The following ABCA1 variants were observed in gnomAD, a reference collection of about 807,000 sequenced individuals.
ABCA1 encodes the protein ATP binding cassette subfamily A member 1.
In ABCA1, 133 loss-of-function variants were observed where a neutral mutation model predicts 262.5. That is an observed-to-expected ratio of 0.51 (90% CI 0.44 to 0.59). ABCA1 has a LOEUF of 0.59. ABCA1 is among the 20% of genes least tolerant of loss of function. ABCA1 has a pLI of 0.00. For missense variants in ABCA1, 2,452 were observed against 2,777.5 expected (o/e 0.88, Z 2.63); for synonymous variants, 1,022 against 1,043.5 (o/e 0.98, Z 0.40).
At chr9:104,812,830 A>C in intron 27 of ABCA1, 108 bp from the exon 28 acceptor site, 1 of 1,433,008 alleles carries the variant, frequency 7.0e-7, no homozygotes, top group Non-Finnish European at 9.8e-7. Context: ...ATGTGTCTGA[A>C]GCTAGAAGTT....
At position 104,898,549 on chromosome 9, in the gene ABCA1, AAAATAAATAAATAAATAAAT is replaced by A. The variant is rs60925856; in HGVS notation, c.66+5045_66+5064del. Among the ~76,000 whole-genome samples the A allele has an allele frequency of 5.4e-3, 770 of 143,154 alleles. 8 individuals are homozygous for A. The highest frequency in any genetic ancestry group is 0.015 in the African/African-American group (556 of 38,128). 93.9% of individuals were successfully genotyped at this position (143,154 alleles called of 152,430 possible). On this transcript the variant is annotated intron_variant, in intron 2 of 49. Coordinates refer to ENST00000374736, the MANE Select transcript of ABCA1 (RefSeq NM_005502.4). ...GCGACAGAACTAGACTCCGTCTTGA[AAAATAAATAAATAAATAAAT>A]AAATAAATAAATAAATAAATAAATA...
At chr9:104,814,601 T>A in intron 25 of ABCA1, 126 bp from the exon 26 acceptor site, 1 of 976,740 alleles carries the variant, frequency 1.0e-6, no homozygotes, top group East Asian at 2.6e-5. Context: ...GAAGCCACAT[T>A]TCTTAATAAC....
At chr9:104,837,877 A>T (rs1049433908) in intron 9 of ABCA1, among the ~76,000 whole-genome samples, 1 of 152,214 alleles carries the variant, frequency 6.6e-6, no homozygotes, top group South Asian at 2.1e-4. Flanking sequence ...TGATCTGGAA[A>T]AATGTTTTCA....
intron 5 of ABCA1, among the ~76,000 whole-genome samples, chr9:104,874,582 AAAAC>A (rs371661222): frequency 3.0e-4 from 46 of 152,118 alleles, no homozygotes; most frequent in East Asian, 1.4e-3. Flanking sequence ...AACAAAAACA[AAAAC>A]AAACAAACAA....
intron 1 of ABCA1, among the ~76,000 whole-genome samples, chr9:104,913,872 T>C (rs1484756310): frequency 6.6e-6 from 1 of 152,158 alleles, no homozygotes; most frequent in Non-Finnish European, 1.5e-5. Context: ...CTCGGCTCAC[T>C]GCAAGCTCCG....
At chr9:104,863,777 A>T (rs1836834675) in intron 5 of ABCA1, among the ~76,000 whole-genome samples, 1 of 152,230 alleles carries the variant, frequency 6.6e-6, no homozygotes, top group African/African-American at 2.4e-5. Flanking sequence ...AGTGTCCCTC[A>T]GAATCAGTGC....
chr9:104,848,920 C>A (rs1173857454), intron 7 of ABCA1, among the ~76,000 whole-genome samples: 1 of 152,094 alleles, frequency 6.6e-6, no homozygotes, highest in East Asian at 1.9e-4. Context: ...GTTTGTCACA[C>A]CAATTAGATA....
rs1830755283 is a variant in ABCA1 at position 104,806,273 on chromosome 9, G to T, written c.4432C>A (p.Pro1478Thr). The T allele has an allele frequency of 1.2e-6, 2 of 1,613,574 alleles. No homozygotes were observed. The highest frequency in any genetic ancestry group is 1.3e-5 in the African/African-American group (1 of 74,894). ...GGAGGCAGCCCCCCTGCCCCTGGGG[G>T]ACACACAGGCAGCATCTTCTTGATT... ...DKIKKMLPVC[P>T]PGAGGLPPPQ... The change falls in exon 31 of 50, where the codon CCC (proline) becomes ACC (threonine). Residue 1478 changes from proline to threonine, a missense_variant. Around this residue, in one of 4 missense-constraint regions of ABCA1, gnomAD observed 665 missense variants for 727.3 expected, o/e 0.91. Transcript: ENST00000374736.
At chr9:104,808,854 A>C (rs1444218810) in intron 30 of ABCA1, among the ~76,000 whole-genome samples, 1 of 152,206 alleles carries the variant, frequency 6.6e-6, no homozygotes, top group African/African-American at 2.4e-5. Flanking sequence ...GCACGGCCTC[A>C]TAAGATCCTC....
Position 104,820,778 on chromosome 9 carries a change from G to GC in ABCA1, c.2960+596dup, listed in dbSNP as rs1329428694. 1.2e-4 allele frequency among the ~76,000 whole-genome samples: 18 copies of GC among 152,236 alleles called. No homozygotes were observed. The East Asian group carries it at 3.5e-3, about 29-fold the overall frequency. On this transcript the variant is annotated intron_variant, in intron 20 of 49. Transcript: ENST00000374736. ...AGGAGGGTGGCGGGGGAGAGGATGG[G>GC]CTAAAGGGCCCTCCAGCATGACAAT...
chr9:104,872,983 C>A (rs1837762322), intron 5 of ABCA1, among the ~76,000 whole-genome samples: 2 of 152,228 alleles, frequency 1.3e-5, no homozygotes, highest in South Asian at 4.1e-4. Context: ...CATTGCAGTG[C>A]AGCGTTGCTC....
At chr9:104,827,680 G>T (rs887602745) in intron 15 of ABCA1, among the ~76,000 whole-genome samples, 7 of 152,148 alleles carry the variant, frequency 4.6e-5, no homozygotes, top group Admixed American at 2.0e-4. Flanking sequence ...ATGTCTGCAG[G>T]ACCCACCAGC....
chr9:104,840,834 T>G (rs1834301438), intron 8 of ABCA1, among the ~76,000 whole-genome samples: 1 of 152,190 alleles, frequency 6.6e-6, no homozygotes, highest in Non-Finnish European at 1.5e-5. Context: ...GTGATTCCTA[T>G]GCTCACTAAA....
In ABCA1 at chr9:104,845,502, T is replaced by C. The variant is rs763689519; in HGVS notation, c.788A>G (p.His263Arg). ...CTCCTGGGCCAGAGTCCCAAGACTA[T>C]GCAGCAATGTTTTTGTGGCTTCAGC... ...ELAEATKTLL[H>R]SLGTLAQELF... Residue 263 changes from histidine (H) to arginine (R), a missense_variant, in exon 8 of 50, where the codon CAT becomes CGT. By Grantham distance (29) the His-to-Arg change is conservative. Coordinates refer to ENST00000374736, the MANE Select transcript of ABCA1 (RefSeq NM_005502.4). 3.7e-6 allele frequency: 6 copies of C among 1,613,928 alleles called. No homozygotes were observed. The African/African-American group carries it at 5.3e-5, about 14-fold the overall frequency.
chr9:104,819,677 T>C lies in ABCA1; in HGVS notation c.3150A>G (p.Gly1050=). The C allele has an allele frequency of 1.2e-6, 2 of 1,613,982 alleles. No homozygotes were observed. The highest frequency in any genetic ancestry group is 1.7e-6 in the Non-Finnish European group (2 of 1,180,002). The change falls in exon 22 of 50, where the codon GGA becomes GGG. Residue 1050 remains glycine (G), a synonymous_variant. Transcript: ENST00000374736. ...GTTCATCCAGAATGACAACCTTAGA[T>C]CCCCCGACAAAGGCCAAGGCCACAG... is the stretch of plus-strand genomic sequence containing the variant. ...KLSVALAFVG[G]SKVVILDEPT...
chr9:104,869,349 G>A (rs1051909530), intron 5 of ABCA1, among the ~76,000 whole-genome samples: 1 of 152,162 alleles, frequency 6.6e-6, no homozygotes, highest in South Asian at 2.1e-4. Context: ...CCTGCTAGGA[G>A]CTGTCAACTG....
intron 7 of ABCA1, chr9:104,855,164 G>A (rs1835730720): frequency 1.0e-6 from 1 of 985,080 alleles, no homozygotes; most frequent in Admixed American, 6.1e-5. Flanking sequence ...CTTGGTATGA[G>A]TTCTAACACT....
At chr9:104,810,085 C>A (rs911755056) in intron 29 of ABCA1, among the ~76,000 whole-genome samples, 9 of 149,006 alleles carry the variant, frequency 6.0e-5, no homozygotes, top group Non-Finnish European at 1.2e-4. Flanking sequence ...TAAAGTAAAC[C>A]TGAACTATGT....
At chr9:104,838,335 C>A (rs1260772909) in intron 9 of ABCA1, among the ~76,000 whole-genome samples, 1 of 148,724 alleles carries the variant, frequency 6.7e-6, no homozygotes, top group African/African-American at 2.5e-5. Flanking sequence ...CTCAACAGGG[C>A]GCAGTGGTTC....
Sources: allele counts gnomAD v4.1 joint callset (sites outside exome capture counted in the v4.1 genomes callset), GRCh38; gene constraint gnomAD v4.1.1; regional missense constraint gnomAD v4.1.1; transcripts MANE v1.5; gene names NCBI Gene and HGNC (gene_info 2026-07-23, HGNC 2026-07-21).